IQSEC1: variants seen among roughly 807,000 people sequenced by gnomAD.
IQSEC1 encodes the protein IQ motif and SEC7 domain-containing protein 1.
IQSEC1 carries 31 observed loss-of-function variants against 91.0 expected under a neutral mutation model. The ratio of observed to expected loss-of-function variants is 0.34; its 90% CI spans 0.26 to 0.46. The LOEUF (loss-of-function observed/expected upper bound fraction) is 0.46. Among genes scored for constraint, IQSEC1 ranks in the 20% least tolerant of loss-of-function variants. The pLI, the probability that IQSEC1 is intolerant of heterozygous loss-of-function variation, is 1.00. For synonymous variants in IQSEC1, 699 were observed against 662.6 expected, an observed-to-expected ratio of 1.05 and a Z score of -0.84; for missense variants, 1,388 against 1,575.6, an observed-to-expected ratio of 0.88 and a Z score of 2.02.
rs904679939 is a variant in IQSEC1, at chr3:12,940,675, G to T, written c.318+896C>A. 1.3e-5 allele frequency among the ~76,000 whole-genome samples: 2 copies of T among 152,102 alleles called. No individual in the cohort carries two copies. The highest frequency in any genetic ancestry group is 2.9e-5 in the Non-Finnish European group (2 of 68,004). ...CCCAGCCTGCCCCTGCAAGCTTGCA[G>T]AACTGCTGCCTGGGAGCCCGGGTTC... On this transcript the variant is annotated intron_variant, in intron 2 of 13. Transcript: ENST00000613206. The surrounding 1 kb of genome is among the most constrained non-coding windows in gnomAD (Gnocchi z 4.4).
At chr3:13,220,710 C>T (rs2125074265) in intron 1 of IQSEC1, among the ~76,000 whole-genome samples, 1 of 152,350 alleles carries the variant, frequency 6.6e-6, no homozygotes, top group East Asian at 1.9e-4. Flanking sequence ...TTCCGAGGTG[C>T]ACGTCGACCC....
In IQSEC1 at chr3:12,908,966, A is replaced by T. The variant is rs904929187; in HGVS notation, c.2578+307T>A. On this transcript the variant is annotated intron_variant, in intron 11 of 13. Coordinates refer to ENST00000613206, the MANE Select transcript of IQSEC1 (RefSeq NM_001134382.3). This position sits in a 1 kb window ranked among gnomAD's most constrained non-coding sequence, Gnocchi z 4.9. ...ATCAGTCGGTTGAGCCTGATGCAGA[A>T]GATGACGAGGTGCAGAGAGGCCAGC... 6.6e-6 allele frequency among the ~76,000 whole-genome samples: 1 copy of T among 152,194 alleles called. No homozygotes were observed. The highest frequency in any genetic ancestry group is 2.4e-5 in the African/African-American group (1 of 41,446).
At chr3:13,111,820 C>T (rs1472494388) in intron 2 of IQSEC1, among the ~76,000 whole-genome samples, 1 of 152,204 alleles carries the variant, frequency 6.6e-6, no homozygotes, top group Non-Finnish European at 1.5e-5. Context: ...AATCCACCAG[C>T]AACCTGACCT....
chr3:12,947,753 G>A (rs1251592800), intron 1 of IQSEC1, among the ~76,000 whole-genome samples: 1 of 152,208 alleles, frequency 6.6e-6, no homozygotes, highest in African/African-American at 2.4e-5. Flanking sequence ...AGCCCATCAC[G>A]TGCTAAGGCA....
At chr3:13,247,991 G>A (rs1695136230) in intron 1 of IQSEC1, among the ~76,000 whole-genome samples, 2 of 152,194 alleles carry the variant, frequency 1.3e-5, no homozygotes. Flanking sequence ...CTGTGGTCAA[G>A]TCCAAGCTCG....
intron 1 of IQSEC1, among the ~76,000 whole-genome samples, chr3:13,045,785 GAGCCTCCTC>G (rs994455221): frequency 4.6e-5 from 7 of 152,218 alleles, no homozygotes; most frequent in African/African-American, 1.7e-4. Flanking sequence ...GCCCCTACAG[GAGCCTCCTC>G]AGCCTCCTTC....
At chr3:13,163,928 G>A (rs1490619160) in intron 2 of IQSEC1, among the ~76,000 whole-genome samples, 1 of 152,170 alleles carries the variant, frequency 6.6e-6, no homozygotes, top group Non-Finnish European at 1.5e-5. Flanking sequence ...GCCAACAGAC[G>A]TGCTCTGCAG....
intron 9 of IQSEC1, among the ~76,000 whole-genome samples, chr3:12,913,002 A>T (rs1695715954): frequency 6.6e-6 from 1 of 152,264 alleles, no homozygotes; most frequent in Non-Finnish European, 1.5e-5. Flanking sequence ...AGGGATGTGC[A>T]GCGACAAGCG....
At chr3:13,200,576 G>A (rs993932431) in intron 1 of IQSEC1, among the ~76,000 whole-genome samples, 2 of 152,236 alleles carry the variant, frequency 1.3e-5, no homozygotes, top group African/African-American at 2.4e-5. Flanking sequence ...CCAGGTCAGG[G>A]TGAACGCCTG....
At chr3:12,961,909 G>A (rs562764297) in intron 1 of IQSEC1, among the ~76,000 whole-genome samples, 7 of 152,364 alleles carry the variant, frequency 4.6e-5, no homozygotes, top group African/African-American at 1.4e-4. Flanking sequence ...GGACAATGAG[G>A]AGCAGAGCTG....
chr3:13,030,605 A>T (rs1232232210), intron 1 of IQSEC1, among the ~76,000 whole-genome samples: 1 of 152,264 alleles, frequency 6.6e-6, no homozygotes, highest in Non-Finnish European at 1.5e-5. Context: ...AATGTGGGAC[A>T]TGCCACAGGC....
rs183304026 is a variant in IQSEC1, at chr3:13,113,028, C to T, written c.302+51076G>A. On this transcript the variant is annotated intron_variant, in intron 2 of 15. Coordinates refer to the IQSEC1 transcript ENST00000648114. ...TCAGTCACCGGGTCGCAAGCAGACA[C>T]GCCTAGAGCTGCTCTGGGAGCTGCT... is the stretch of plus-strand genomic sequence containing the variant. Among the ~76,000 whole-genome samples the T allele has an allele frequency of 1.5e-4, 23 of 152,356 alleles. No homozygotes were observed. The East Asian group carries it at 3.5e-3, about 23-fold the overall frequency.
chr3:13,189,178 A>T (rs1693980214), intron 1 of IQSEC1, among the ~76,000 whole-genome samples: 1 of 152,168 alleles, frequency 6.6e-6, no homozygotes, highest in Non-Finnish European at 1.5e-5. Context: ...GGAACTTTGC[A>T]GCCACAGGCT....
At chr3:13,148,980 G>T (rs1214696262) in intron 2 of IQSEC1, among the ~76,000 whole-genome samples, 1 of 152,258 alleles carries the variant, frequency 6.6e-6, no homozygotes, top group Non-Finnish European at 1.5e-5. Flanking sequence ...GAGCTGGGAA[G>T]AACCGCTGCT....
At chr3:12,991,127 G>A (rs1701969290) in intron 1 of IQSEC1, among the ~76,000 whole-genome samples, 1 of 152,184 alleles carries the variant, frequency 6.6e-6, no homozygotes, top group Non-Finnish European at 1.5e-5. Flanking sequence ...GGGGTCTAAA[G>A]TCAGTCCCTA....
intron 2 of IQSEC1, among the ~76,000 whole-genome samples, chr3:13,082,804 T>A (rs1705667394): frequency 6.6e-6 from 1 of 152,132 alleles, no homozygotes; most frequent in African/African-American, 2.4e-5. Flanking sequence ...CTGACCTTCA[T>A]CTTCCTTTCC....
At chr3:12,999,208 A>AT (rs1354957828) in intron 1 of IQSEC1, among the ~76,000 whole-genome samples, 1 of 152,106 alleles carries the variant, frequency 6.6e-6, no homozygotes, top group Non-Finnish European at 1.5e-5. Flanking sequence ...ATCAAGAAGC[A>AT]TAAGACGAGT....
chr3:13,140,604 C>A (rs2124936723), intron 2 of IQSEC1, among the ~76,000 whole-genome samples: 1 of 152,312 alleles, frequency 6.6e-6, no homozygotes, highest in South Asian at 2.1e-4. Flanking sequence ...GACAGAGCAG[C>A]TTGTGTTGCT....
At chr3:13,113,430 G>A (rs1252392376) in intron 2 of IQSEC1, among the ~76,000 whole-genome samples, 18 of 152,196 alleles carry the variant, frequency 1.2e-4, no homozygotes, top group Admixed American at 1.0e-3. Flanking sequence ...TGGGGATGAC[G>A]CTTGCCCACC....
Sources: allele counts gnomAD v4.1 joint callset (sites outside exome capture counted in the v4.1 genomes callset), GRCh38; gene constraint gnomAD v4.1.1; non-coding constraint Gnocchi (gnomAD v3.1); transcripts MANE v1.5; gene names NCBI Gene and HGNC (gene_info 2026-07-23, HGNC 2026-07-21).